SMPD3: variants seen among roughly 807,000 people sequenced by gnomAD.
SMPD3 encodes the protein nSMase-2.
Under a neutral mutation model 55.7 loss-of-function variants are expected in SMPD3, and 21 were observed. The observed-to-expected ratio is 0.38, with a 90% confidence interval of 0.27 to 0.54. The LOEUF (loss-of-function observed/expected upper bound fraction) is 0.54. Among genes scored for constraint, SMPD3 ranks in the 20% least tolerant of loss-of-function variants. The probability of loss-of-function intolerance (pLI) is 0.80; values close to 1 mark genes in which losing one functional copy is unlikely to be tolerated. For missense variants in SMPD3, 842 were observed against 899.6 expected (o/e 0.94, Z 0.82); for synonymous variants, 457 against 404.3 (o/e 1.13, Z -1.56).
intron 7 of SMPD3, 130 bp downstream of exon 7, chr16:68,363,366 G>C (rs751090115): frequency 2.7e-5 from 27 of 1,012,946 alleles, no homozygotes; most frequent in Non-Finnish European, 3.9e-5. Flanking sequence ...GGTGAGATGA[G>C]GGACAGGTTT....
At chr16:68,434,165 C>T (rs1187376463) in intron 1 of SMPD3, among the ~76,000 whole-genome samples, 1 of 152,078 alleles carries the variant, frequency 6.6e-6, no homozygotes, top group Admixed American at 6.5e-5. Context: ...GTTCAGTACC[C>T]ACCTTTTAAT....
At chr16:68,413,222 G>A (rs1170989938) in intron 1 of SMPD3, among the ~76,000 whole-genome samples, 1 of 152,202 alleles carries the variant, frequency 6.6e-6, no homozygotes, top group African/African-American at 2.4e-5. Context: ...CTCACTGTGG[G>A]GACCGATTTT....
intron 7 of SMPD3, 106 bp from the exon 8 acceptor site, chr16:68,361,865 G>A (rs2089289617): frequency 8.4e-7 from 1 of 1,186,578 alleles, no homozygotes; most frequent in South Asian, 1.4e-5. Context: ...GAGCGGGTGG[G>A]TGGGACCAAA....
rs773056401 is a variant in SMPD3, at chr16:68,361,686, G to T, written c.1783C>A (p.Arg595=). ...CCGTTGCCCTTCAGCAGCTCCTTCC[G>T]CCCCTTCTGGCCCGAGCTCTTGCTG... is the stretch of plus-strand genomic sequence containing the variant. ...PTSKSSGQKG[R]KELLKGNGRR... The change falls in exon 8 of 9, where the codon CGG becomes AGG. Residue 595 remains arginine, a synonymous_variant. Transcript: ENST00000219334. 5.0e-6 allele frequency: 8 copies of T among 1,612,668 alleles called. No homozygotes were observed. Among genetic ancestry groups the T allele is most frequent in the Non-Finnish European group, 6.8e-6 (8 of 1,179,966 alleles).
chr16:68,430,036 A>C (rs980602663), intron 1 of SMPD3, among the ~76,000 whole-genome samples: 1 of 152,080 alleles, frequency 6.6e-6, no homozygotes, highest in Non-Finnish European at 1.5e-5. Context: ...CTGTCGCTGC[A>C]CCTGTTACCC....
At chr16:68,409,742 C>T (rs979888903) in intron 1 of SMPD3, among the ~76,000 whole-genome samples, 2 of 152,138 alleles carry the variant, frequency 1.3e-5, no homozygotes, top group Non-Finnish European at 2.9e-5. Context: ...TATAGGCGCC[C>T]GCCACCACGC....
intron 1 of SMPD3, among the ~76,000 whole-genome samples, chr16:68,400,870 C>A (rs1445066901): frequency 6.6e-6 from 1 of 152,230 alleles, no homozygotes; most frequent in Admixed American, 6.5e-5. Flanking sequence ...CAACTTCTGG[C>A]CAGCTCTGAG....
rs750837634 is a variant in SMPD3, at chr16:68,371,776, C to T, written c.406G>A (p.Asp136Asn). The change falls in exon 3 of 9, where the codon GAC (aspartate) becomes AAC (asparagine). Residue 136 changes from aspartate (D) to asparagine (N), a missense_variant. Physicochemically the swap from Asp to Asn is conservative, Grantham distance 23. Around this residue, in one of 2 missense-constraint regions of SMPD3, gnomAD observed 193 missense variants for 256.0 expected, o/e 0.75. Transcript: ENST00000219334. ...AGGTTGTTGACCCTGGCGAGTGAGT[C>T]GGGCAGGAGGCAGACGTTGGCAGTG... ...FATANVCLLP[D>N]SLARVNNLFN... 22 of 1,610,416 alleles carry T rather than the reference C, an allele frequency of 1.4e-5. No homozygotes were observed. Among genetic ancestry groups the T allele is most frequent in the African/African-American group, 8.0e-5 (6 of 74,922 alleles).
intron 1 of SMPD3, among the ~76,000 whole-genome samples, chr16:68,405,245 A>C (rs989518973): frequency 6.6e-6 from 1 of 152,060 alleles, no homozygotes; most frequent in African/African-American, 2.4e-5. Context: ...ATTCCTTGGC[A>C]GGTTTCATTA....
intron 1 of SMPD3, among the ~76,000 whole-genome samples, chr16:68,428,364 G>A (rs1041249678): frequency 6.6e-6 from 1 of 152,338 alleles, no homozygotes; most frequent in East Asian, 1.9e-4. Flanking sequence ...CACACAGGCT[G>A]CCTCAAACAG....
At chr16:68,397,898 G>T (rs1015637929) in intron 1 of SMPD3, among the ~76,000 whole-genome samples, 1 of 152,234 alleles carries the variant, frequency 6.6e-6, no homozygotes, top group African/African-American at 2.4e-5. Flanking sequence ...GAGGGTCTGG[G>T]ACCTGGGTCA....
At chr16:68,372,612 A>G (rs541540843) in intron 2 of SMPD3, among the ~76,000 whole-genome samples, 2 of 152,308 alleles carry the variant, frequency 1.3e-5, no homozygotes, top group South Asian at 4.1e-4. Context: ...GCTTGGTGAT[A>G]TGACTGCCCC....
chr16:68,379,430 T>C (rs976942661), intron 2 of SMPD3, among the ~76,000 whole-genome samples: 1 of 152,242 alleles, frequency 6.6e-6, no homozygotes, highest in African/African-American at 2.4e-5. Flanking sequence ...CCGAGTGTGG[T>C]GCCTGCCTCA....
chr16:68,370,794 C>A, intron 3 of SMPD3, 65 bp downstream of exon 3: 1 of 1,587,976 alleles, frequency 6.3e-7, no homozygotes, highest in South Asian at 1.1e-5. Flanking sequence ...CGCTGCAGCC[C>A]CCCTGCCTAC....
Position 68,372,221 on chromosome 16 carries a change from T to C in SMPD3, c.-40A>G, listed in dbSNP as rs567799382. The C allele has an allele frequency of 2.5e-6, 4 of 1,596,776 alleles. No individual in the cohort carries two copies. The South Asian group carries it at 4.5e-5, about 18-fold the overall frequency. ...CGCCGCAGCCGGCCCTACTACATGG[T>C]GTCCGTGGCAGCTGCGGGCACTTTC... On this transcript the variant is annotated 5_prime_UTR_variant, in exon 3 of 9. Coordinates refer to ENST00000219334, the MANE Select transcript of SMPD3 (RefSeq NM_018667.4).
In SMPD3 at chr16:68,447,710, A is replaced by G. The variant is rs2090621350; in HGVS notation, c.-269+643T>C. 6.6e-6 allele frequency among the ~76,000 whole-genome samples: 1 copy of G among 151,658 alleles called. No individual in the cohort carries two copies. The highest frequency in any genetic ancestry group is 2.1e-4 in the South Asian group (1 of 4,814). ...CAATTCCACCCTTCACCAGTAACCT[A>G]GGAGGGTCCAAGTGGGAGGGGTAAG... is the stretch of plus-strand genomic sequence containing the variant. On this transcript the variant is annotated intron_variant, in intron 1 of 8. Coordinates refer to ENST00000219334, the MANE Select transcript of SMPD3 (RefSeq NM_018667.4). This position sits in a 1 kb window ranked among gnomAD's most constrained non-coding sequence, Gnocchi z 5.1.
intron 1 of SMPD3, among the ~76,000 whole-genome samples, chr16:68,397,423 T>C (rs563397286): frequency 4.6e-5 from 7 of 152,106 alleles, no homozygotes; most frequent in African/African-American, 1.4e-4. Flanking sequence ...CCAGGTAGAG[T>C]TCTGCTGTGG....
At chr16:68,428,069 T>C (rs2090450416) in intron 1 of SMPD3, among the ~76,000 whole-genome samples, 2 of 150,808 alleles carry the variant, frequency 1.3e-5, no homozygotes, top group Non-Finnish European at 1.5e-5. Flanking sequence ...ATGTCCACCT[T>C]CATCCACACC....
intron 2 of SMPD3, among the ~76,000 whole-genome samples, chr16:68,385,520 C>T (rs879260667): frequency 2.0e-5 from 3 of 152,150 alleles, no homozygotes; most frequent in Admixed American, 6.5e-5. Flanking sequence ...TCCCTCCCTG[C>T]GAGCTGCTGG....
Sources: gnomAD v4.1 joint callset for allele counts (sites outside exome capture counted in the v4.1 genomes callset) on GRCh38, gnomAD v4.1.1 for gene constraint, gnomAD v4.1.1 regional missense constraint, Gnocchi (gnomAD v3.1) non-coding constraint, MANE v1.5 for transcripts, NCBI Gene and HGNC (gene_info 2026-07-23, HGNC 2026-07-21) for gene names.